The following NR5A1 variants were observed in gnomAD, a reference collection of about 807,000 sequenced individuals.
NR5A1 encodes the protein steroidogenic factor 1.
NR5A1 carries 6 observed loss-of-function variants against 42.7 expected under a neutral mutation model. The ratio of observed to expected loss-of-function variants is 0.14; its 90% confidence interval spans 0.08 to 0.28. NR5A1 has a LOEUF of 0.28. NR5A1 is among the 10% of genes least tolerant of loss of function. NR5A1 has a pLI of 1.00. For synonymous variants in NR5A1, 274 were observed against 277.5 expected (o/e 0.99, Z 0.12); for missense variants, 442 against 626.4 (o/e 0.71, Z 3.14).
chr9:124,483,050 C>A, intron 6 of NR5A1, 45 bp from the exon 7 acceptor site: 1 of 1,611,016 alleles, frequency 6.2e-7, no homozygotes, highest in South Asian at 1.1e-5. Flanking sequence ...CCATCCATGC[C>A]CATCAGGGCT....
In NR5A1 at chr9:124,483,250, A is replaced by G. The variant is rs2416933; in HGVS notation, c.1139-245T>C. On this transcript the variant is annotated intron_variant, in intron 6 of 6. Transcript: ENST00000373588. ...CCACATGCCTGTGTTTTTCATGAAC[A>G]TGGCCACCGCCACCATCAACCACCC... 0.57 allele frequency among the ~76,000 whole-genome samples: 86,733 copies of G among 152,118 alleles called. 25,875 individuals carry two copies. The highest frequency in any genetic ancestry group is 0.77 in the East Asian group (3,976 of 5,160).
At position 124,503,728 on chromosome 9, in the gene NR5A1, A is replaced by AC. The variant is rs1832504551; in HGVS notation, c.-15-319dup. Among the ~76,000 whole-genome samples the AC allele has an allele frequency of 1.3e-5, 2 of 152,072 alleles. No individual in the cohort carries two copies. Among genetic ancestry groups the AC allele is most frequent in the Non-Finnish European group, 2.9e-5 (2 of 67,998 alleles). On this transcript the variant is annotated intron_variant, in intron 1 of 6. Transcript: ENST00000373588. The surrounding 1 kb of genome is among the most constrained non-coding windows in gnomAD (Gnocchi z 9.6). Reference sequence around the variant, plus strand: ...TGGGATTCGTTTGTCTGAGAACAAAACCCCGATTCTGAGAAAAAGAGATGG... The same window carrying AC: ...TGGGATTCGTTTGTCTGAGAACAAAACCCCCGATTCTGAGAAAAAGAGATGG...
intron 4 of NR5A1, among the ~76,000 whole-genome samples, chr9:124,493,923 C>T (rs1832352205): frequency 1.3e-5 from 2 of 152,208 alleles, no homozygotes; most frequent in Admixed American, 1.3e-4. Context: ...GCCCCAATCC[C>T]TATTTTTCAG....
At chr9:124,487,922 G>A (rs543794422) in intron 6 of NR5A1, among the ~76,000 whole-genome samples, 1 of 152,306 alleles carries the variant, frequency 6.6e-6, no homozygotes, top group East Asian at 1.9e-4. Flanking sequence ...CACTTAGAAG[G>A]GTCTTGATAA....
rs5900617 is a variant in NR5A1, at chr9:124,482,584, AC to A, written c.*173del. On this transcript the variant is annotated 3_prime_UTR_variant, in exon 7 of 7. Coordinates refer to ENST00000373588, the MANE Select transcript of NR5A1 (RefSeq NM_004959.5). Reference sequence around the variant, plus strand: ...CGCCAGGCCCTGCCCAGCCTCACCCACCTTCCCAAACACACAGTGTCAGAAC... The same window carrying A: ...CGCCAGGCCCTGCCCAGCCTCACCCACTTCCCAAACACACAGTGTCAGAAC... 407,545 of 777,138 alleles carry A rather than the reference AC, an allele frequency of 0.52. 112,148 individuals carry two copies. The highest frequency in any genetic ancestry group is 0.82 in the East Asian group (30,233 of 36,852). The allele number at this position is 777,138 out of a possible 1,614,324, so 48.1% of individuals were successfully genotyped here. A position where few individuals can be genotyped will look rare whatever the true frequency, so the allele number is the denominator to read the frequency against.
chr9:124,488,986 T>A, intron 6 of NR5A1, among the ~76,000 whole-genome samples: 1 of 152,338 alleles, frequency 6.6e-6, no homozygotes, highest in East Asian at 1.9e-4. Flanking sequence ...ATGACCAGCA[T>A]GACATGAGGG....
intron 4 of NR5A1, among the ~76,000 whole-genome samples, 168 bp from the exon 5 acceptor site, chr9:124,493,317 T>A (rs996928698): frequency 3.9e-5 from 6 of 152,192 alleles, no homozygotes; most frequent in Admixed American, 6.5e-5. Context: ...AACAGAGGTC[T>A]GGCCAGTTAA....
chr9:124,482,456 A>G lies in NR5A1; in HGVS notation c.*302T>C. 1 of 436,190 alleles carries G rather than the reference A, an allele frequency of 2.3e-6. No homozygotes were observed. The highest frequency in any genetic ancestry group is 4.3e-6 in the Non-Finnish European group (1 of 234,046). The allele number at this position is 436,190 out of a possible 1,614,324, so 27.0% of individuals were successfully genotyped here. On this transcript the variant is annotated 3_prime_UTR_variant, in exon 7 of 7. Coordinates refer to ENST00000373588, the MANE Select transcript of NR5A1 (RefSeq NM_004959.5). ...CCCGGACCTGCAGGCTTCAGACTCCAGGAGAGAGAGCTGGGAGCAGGGAGG... is the reference window on the plus strand; with the variant it reads ...CCCGGACCTGCAGGCTTCAGACTCCGGGAGAGAGAGCTGGGAGCAGGGAGG...
At chr9:124,484,275 A>G (rs1205707824) in intron 6 of NR5A1, among the ~76,000 whole-genome samples, 1 of 152,208 alleles carries the variant, frequency 6.6e-6, no homozygotes, top group African/African-American at 2.4e-5. Flanking sequence ...ATCTCTGCTC[A>G]TGGTGGCAAG....
chr9:124,488,222 T>C (rs4838192), intron 6 of NR5A1, among the ~76,000 whole-genome samples: 84,789 of 151,362 alleles, frequency 0.56, 24,305 homozygotes, highest in African/African-American at 0.67. Context: ...CCTTCCCGGA[T>C]AGCCAAGTGG....
chr9:124,484,870 G>A (rs140501470), intron 6 of NR5A1, among the ~76,000 whole-genome samples: 2 of 152,326 alleles, frequency 1.3e-5, no homozygotes, highest in African/African-American at 4.8e-5. Context: ...GCTCCCTTTG[G>A]GGAGGGGTGG....
At position 124,498,161 on chromosome 9, in the gene NR5A1, C is replaced by T. The variant is rs913736030; in HGVS notation, c.870+1929G>A. 3.3e-5 allele frequency among the ~76,000 whole-genome samples: 5 copies of T among 152,072 alleles called. No homozygotes were observed. The highest frequency in any genetic ancestry group is 4.8e-5 in the African/African-American group (2 of 41,404). The stretch of plus-strand genomic sequence containing the variant: ...ATGAATGATCAGCTAGAAGAGACGC[C>T]GGAGTCACCCACACCCCTCCCACTT... On this transcript the variant is annotated intron_variant, in intron 4 of 6. Coordinates refer to ENST00000373588, the MANE Select transcript of NR5A1 (RefSeq NM_004959.5). The surrounding 1 kb of genome is among the most constrained non-coding windows in gnomAD (Gnocchi z 4.6).
intron 6 of NR5A1, among the ~76,000 whole-genome samples, chr9:124,483,387 A>C (rs775920583): frequency 6.6e-6 from 1 of 152,232 alleles, no homozygotes; most frequent in Non-Finnish European, 1.5e-5. Context: ...ATCCCTGGGC[A>C]GTTATTGAAC....
chr9:124,500,613 T>C lies in NR5A1; in HGVS notation c.347A>G (p.Asn116Ser), dbSNP rs1832456234. The C allele has an allele frequency of 6.2e-7, 1 of 1,613,056 alleles. No individual in the cohort carries two copies. The highest frequency in any genetic ancestry group is 8.5e-7 in the Non-Finnish European group (1 of 1,180,002). ...GGGCCCTGTCTCCAGCTTGAAGCCATTGGCCCGAATCTGTGCCTTCTTCTG... is the reference window on the plus strand; with the variant it reads ...GGGCCCTGTCTCCAGCTTGAAGCCACTGGCCCGAATCTGTGCCTTCTTCTG... ...KQQKKAQIRA[N>S]GFKLETGPPM... is the part of the protein sequence containing the mutation. Residue 116 changes from asparagine to serine, a missense_variant, in exon 4 of 7, where the codon AAT becomes AGT. Transcript: ENST00000373588. The surrounding 1 kb of genome is among the most constrained non-coding windows in gnomAD (Gnocchi z 6.9).
In NR5A1 at chr9:124,503,518, T is replaced by C. The variant is rs1458636639; in HGVS notation, c.-15-108A>G. ...CCGGCCCGTCGCGTAATCCCCTCTC[T>C]GTGCCCAGGCGCTGCCGCCGGCACC... On this transcript the variant is annotated intron_variant, in intron 1 of 6. Coordinates refer to ENST00000373588, the MANE Select transcript of NR5A1 (RefSeq NM_004959.5). The surrounding 1 kb of genome is among the most constrained non-coding windows in gnomAD (Gnocchi z 9.6). 3.0e-4 allele frequency: 264 copies of C among 871,056 alleles called. No individual in the cohort carries two copies. Among genetic ancestry groups the C allele is most frequent in the Non-Finnish European group, 2.7e-5 (16 of 599,102 alleles). The allele number at this position is 871,056 out of a possible 1,614,324, so 54.0% of individuals were successfully genotyped here.
rs1832461636 is a variant in NR5A1 at position 124,500,884 on chromosome 9, G to T, written c.245-169C>A. 9.4e-7 allele frequency: 1 copy of T among 1,059,572 alleles called. No homozygotes were observed. Among genetic ancestry groups the T allele is most frequent in the Non-Finnish European group, 1.4e-6 (1 of 697,820 alleles). 65.6% of individuals were successfully genotyped at this position (1,059,572 alleles called of 1,614,324 possible). On this transcript the variant is annotated intron_variant, in intron 3 of 6. Transcript: ENST00000373588. The surrounding 1 kb of genome is among the most constrained non-coding windows in gnomAD (Gnocchi z 6.9). Reference sequence around the variant, plus strand: ...CAGTCTCCTTTGCCTGGCATTCAAGGCCCTGCTCAGCTTTTCAGGCAATCC... The same window carrying T: ...CAGTCTCCTTTGCCTGGCATTCAAGTCCCTGCTCAGCTTTTCAGGCAATCC...
At chr9:124,493,234 C>A in intron 4 of NR5A1, 85 bp from the exon 5 acceptor site, 1 of 1,518,634 alleles carries the variant, frequency 6.6e-7, no homozygotes, top group South Asian at 1.3e-5. Context: ...CACTGAGACC[C>A]AACTAGGCGT....
At chr9:124,499,168 G>A (rs1401678371) in intron 4 of NR5A1, among the ~76,000 whole-genome samples, 1 of 152,166 alleles carries the variant, frequency 6.6e-6, no homozygotes, top group East Asian at 1.9e-4. Context: ...GTCAGCTGGA[G>A]GGGCCTCTAG....
At position 124,482,980 on chromosome 9, in the gene NR5A1, G is replaced by T. The variant is rs1201586678; in HGVS notation, c.1164C>A (p.Ile388=). 1.1e-5 allele frequency: 18 copies of T among 1,614,002 alleles called. No homozygotes were observed. Among genetic ancestry groups the T allele is most frequent in the Non-Finnish European group, 1.5e-5 (18 of 1,180,034 alleles). The part of the protein sequence containing the change: ...SLDLKFLNNH[I]LVKDAQEKAN... Reference sequence around the variant, plus strand: ...CCTTCTCCTGAGCGTCTTTCACCAGGATGTGGTTATTCAGGAACTTCAAAT... The same window carrying T: ...CCTTCTCCTGAGCGTCTTTCACCAGTATGTGGTTATTCAGGAACTTCAAAT... The change falls in exon 7 of 7, where the codon ATC becomes ATA. Residue 388 remains isoleucine (I), a synonymous_variant. Transcript: ENST00000373588.
Sources: gnomAD v4.1 joint callset for allele counts (sites outside exome capture counted in the v4.1 genomes callset) on GRCh38, gnomAD v4.1.1 for gene constraint, Gnocchi (gnomAD v3.1) non-coding constraint, MANE v1.5 for transcripts, NCBI Gene and HGNC (gene_info 2026-07-23, HGNC 2026-07-21) for gene names.